The following WWC1 variants were observed in gnomAD, a reference collection of about 807,000 sequenced individuals.
WWC1 encodes WW and C2 domain containing 1.
Under a neutral mutation model 138.4 loss-of-function variants are expected in WWC1, and 55 were observed. The ratio of observed to expected loss-of-function variants is 0.40; its 90% CI spans 0.32 to 0.50. The LOEUF (loss-of-function observed/expected upper bound fraction) is 0.50, where lower values mean the gene tolerates loss of function less well. WWC1 is among the 20% of genes least tolerant of loss of function. WWC1 has a pLI of 0.72. For missense variants in WWC1, 1,226 were observed against 1,420.4 expected (o/e 0.86, Z 2.20); for synonymous variants, 524 against 564.9 (o/e 0.93, Z 1.03).
chr5:168,411,140 G>T (rs140794506), intron 8 of WWC1, among the ~76,000 whole-genome samples: 3,413 of 151,992 alleles, frequency 0.022, 102 homozygotes, highest in African/African-American at 0.066. Flanking sequence ...TGTTAGCCAG[G>T]ATGGTCTCAG....
intron 3 of WWC1, among the ~76,000 whole-genome samples, chr5:168,387,518 A>G (rs980958530): frequency 1.3e-5 from 2 of 152,232 alleles, no homozygotes; most frequent in African/African-American, 2.4e-5. Flanking sequence ...TCGAGCTGCC[A>G]TAATAAAATA....
At chr5:168,307,025 A>G (rs1011623309) in intron 1 of WWC1, among the ~76,000 whole-genome samples, 1 of 152,232 alleles carries the variant, frequency 6.6e-6, no homozygotes, top group African/African-American at 2.4e-5. Context: ...AGACACTACC[A>G]CCATATAGAT....
At chr5:168,433,910 A>G (rs79481278) in intron 15 of WWC1, among the ~76,000 whole-genome samples, 1,666 of 152,332 alleles carry the variant, frequency 0.011, 27 homozygotes, top group East Asian at 0.043. Flanking sequence ...TGAGGCACAA[A>G]GAGGTGAAAG....
chr5:168,356,954 G>T (rs972914527), intron 1 of WWC1, among the ~76,000 whole-genome samples: 2 of 152,162 alleles, frequency 1.3e-5, no homozygotes, highest in Admixed American at 6.5e-5. Flanking sequence ...GTTGTGGGAA[G>T]TCTCTGAGTG....
chr5:168,315,546 G>A (rs1489811346), intron 1 of WWC1, among the ~76,000 whole-genome samples: 1 of 152,044 alleles, frequency 6.6e-6, no homozygotes, highest in Non-Finnish European at 1.5e-5. Flanking sequence ...CCCATCTTGT[G>A]TAGGGGCCCA....
intron 1 of WWC1, among the ~76,000 whole-genome samples, chr5:168,317,732 A>G (rs568954891): frequency 2.0e-5 from 3 of 152,292 alleles, no homozygotes; most frequent in South Asian, 2.1e-4. Context: ...AGGCTGGATT[A>G]TGTGGGAAGG....
rs538482543 is a variant in WWC1 at position 168,417,124 on chromosome 5, T to A, written c.1184+2534T>A. Reference sequence around the variant, plus strand: ...TCAGGTGATCCACGTGCCTCGGCCTTCCAAAGTGCTGAGATTACAGGCATG... The same window carrying A: ...TCAGGTGATCCACGTGCCTCGGCCTACCAAAGTGCTGAGATTACAGGCATG... On this transcript the variant is annotated intron_variant, in intron 9 of 22. Transcript: ENST00000265293. Among the ~76,000 whole-genome samples, 373 of 152,230 alleles carry A rather than the reference T, an allele frequency of 2.5e-3. 3 individuals carry two copies. Among genetic ancestry groups the A allele is most frequent in the Admixed American group, 4.3e-3 (65 of 15,290 alleles).
chr5:168,340,459 ACT>A (rs1288509495), intron 1 of WWC1, among the ~76,000 whole-genome samples: 1 of 151,712 alleles, frequency 6.6e-6, no homozygotes, highest in Admixed American at 6.6e-5. Flanking sequence ...CCCACAAAAA[ACT>A]CTGCACCACT....
chr5:168,406,285 G>A lies in WWC1; in HGVS notation c.678G>A (p.Lys226=). Residue 226 remains lysine (K), a synonymous_variant, in exon 6 of 23, where the codon AAG becomes AAA. Coordinates refer to ENST00000265293, the MANE Select transcript of WWC1 (RefSeq NM_015238.3). ...AVLRETKAIK[K]AITCGEKEKQ... The stretch of plus-strand genomic sequence containing the variant: ...TGAGAGAAACAAAAGCCATCAAAAA[G>A]GCTATTACCTGTGGGGAAAAGGAAA... 6.2e-7 allele frequency: 1 copy of A among 1,614,096 alleles called. No individual in the cohort carries two copies. The highest frequency in any genetic ancestry group is 8.5e-7 in the Non-Finnish European group (1 of 1,179,958).
At chr5:168,419,504 C>T (rs902620228) in intron 9 of WWC1, among the ~76,000 whole-genome samples, 4 of 152,172 alleles carry the variant, frequency 2.6e-5, no homozygotes, top group African/African-American at 9.6e-5. Flanking sequence ...ACTTGCAAAC[C>T]TTGGTGTGCC....
At chr5:168,357,483 TGTGTGTGTGTGCGCGCGC>T (rs1478929459) in intron 1 of WWC1, among the ~76,000 whole-genome samples, 65 of 79,160 alleles carry the variant, frequency 8.2e-4, no homozygotes, top group African/African-American at 2.2e-3. Context: ...TGTGTGTGTG[TGTGTGTGTGTGCGCGCGC>T]GCACGCATGC....
At chr5:168,450,536 C>A (rs751612847) in intron 17 of WWC1, among the ~76,000 whole-genome samples, 2 of 151,986 alleles carry the variant, frequency 1.3e-5, no homozygotes, top group African/African-American at 4.8e-5. Flanking sequence ...CATGGCGGCA[C>A]GTGCCTGTAA....
intron 1 of WWC1, among the ~76,000 whole-genome samples, chr5:168,353,860 G>T (rs114197996): frequency 6.6e-6 from 1 of 152,152 alleles, no homozygotes; most frequent in Non-Finnish European, 1.5e-5. Context: ...ATCCTGTGTC[G>T]CCTGTTGTGA....
Position 168,438,496 on chromosome 5 carries a change from T to G in WWC1, c.2281-3186T>G, listed in dbSNP as rs548104575. Among the ~76,000 whole-genome samples the G allele has an allele frequency of 5.9e-5, 9 of 152,370 alleles. No homozygotes were observed. The East Asian group carries it at 1.7e-3, about 29-fold the overall frequency. On this transcript the variant is annotated intron_variant, in intron 15 of 22. Transcript: ENST00000265293. ...TGAGGCCTCCCCAGCCATGCTGAAC[T>G]GTGAGTCAACTAAACCTCTTTCTTT...
At chr5:168,465,719 G>A (rs1208217331) in intron 21 of WWC1, among the ~76,000 whole-genome samples, 14 of 151,628 alleles carry the variant, frequency 9.2e-5, no homozygotes, top group Non-Finnish European at 1.6e-4. Flanking sequence ...CAATATGCCC[G>A]GCTAATTTTT....
chr5:168,392,529 A>T (rs935622718), intron 3 of WWC1, among the ~76,000 whole-genome samples: 1 of 152,076 alleles, frequency 6.6e-6, no homozygotes, highest in African/African-American at 2.4e-5. Context: ...TCTACAAAAA[A>T]TTTAAAGAAG....
chr5:168,378,759 T>G (rs1325463995), intron 2 of WWC1, among the ~76,000 whole-genome samples: 1 of 152,250 alleles, frequency 6.6e-6, no homozygotes, highest in East Asian at 1.9e-4. Flanking sequence ...TTCTTTTGAC[T>G]TTTGATACAT....
At chr5:168,404,198 G>T (rs2152835551) in intron 5 of WWC1, among the ~76,000 whole-genome samples, 1 of 152,308 alleles carries the variant, frequency 6.6e-6, no homozygotes, top group African/African-American at 2.4e-5. Context: ...CCTCCCCAGA[G>T]TCCCCAGCCC....
At chr5:168,418,282 A>G (rs1780807578) in intron 9 of WWC1, among the ~76,000 whole-genome samples, 1 of 152,098 alleles carries the variant, frequency 6.6e-6, no homozygotes, top group Non-Finnish European at 1.5e-5. Context: ...CTCCTTCCCG[A>G]GGGCCTTCCC....
Sources: allele counts gnomAD v4.1 joint callset (sites outside exome capture counted in the v4.1 genomes callset), GRCh38; gene constraint gnomAD v4.1.1; transcripts MANE v1.5; gene names NCBI Gene and HGNC (gene_info 2026-07-23, HGNC 2026-07-21).